The following DDX10 variants were observed in gnomAD, a reference collection of about 807,000 sequenced individuals.
The protein encoded by DDX10 is DEAD-box helicase 10, also known as probable ATP-dependent RNA helicase DDX10.
DDX10 carries 74 observed loss-of-function variants against 104.3 expected under a neutral mutation model. That is an observed-to-expected ratio of 0.71 (90% CI 0.59 to 0.86). DDX10 has a LOEUF of 0.86. Ranked by LOEUF, DDX10 falls within the 40% of genes least tolerant of loss-of-function variation. The pLI is 0.00. For missense variants in DDX10, 952 were observed against 1,040.0 expected, an observed-to-expected ratio of 0.92 and a Z score of 1.16; for synonymous variants, 351 against 353.4, an observed-to-expected ratio of 0.99 and a Z score of 0.08.
chr11:108,739,976 CTTTT>C (rs35940578), intron 13 of DDX10, among the ~76,000 whole-genome samples: 1 of 127,476 alleles, frequency 7.8e-6, no homozygotes, highest in Non-Finnish European at 1.7e-5. Context: ...GGCTACCCAC[CTTTT>C]TTTTTTTTTT....
chr11:108,890,598 TA>T (rs1431138670), intron 16 of DDX10, among the ~76,000 whole-genome samples: 2 of 151,292 alleles, frequency 1.3e-5, no homozygotes, highest in Non-Finnish European at 2.9e-5. Flanking sequence ...CTACCCTGCA[TA>T]GGGGTAGGTT....
chr11:108,770,202 G>A (rs2094361224), intron 13 of DDX10, among the ~76,000 whole-genome samples: 1 of 152,154 alleles, frequency 6.6e-6, no homozygotes. Flanking sequence ...TACATGAGAT[G>A]TTTTGATACA....
intron 9 of DDX10, among the ~76,000 whole-genome samples, chr11:108,700,118 A>G (rs1026414557): frequency 7.2e-5 from 11 of 152,144 alleles, no homozygotes; most frequent in African/African-American, 2.7e-4. Flanking sequence ...TATGTTTTCT[A>G]GGAGATTTGA....
chr11:108,854,599 A>G (rs985209742), intron 16 of DDX10, among the ~76,000 whole-genome samples: 1 of 152,182 alleles, frequency 6.6e-6, no homozygotes, highest in African/African-American at 2.4e-5. Context: ...TAGCTATTTT[A>G]AGCAATCACT....
chr11:108,766,091 C>A (rs1043921311), intron 13 of DDX10, among the ~76,000 whole-genome samples: 1 of 152,088 alleles, frequency 6.6e-6, no homozygotes, highest in Non-Finnish European at 1.5e-5. Context: ...ATCCACAGGC[C>A]TCTACATTTA....
chr11:108,901,823 T>C (rs1863520207), intron 16 of DDX10, among the ~76,000 whole-genome samples: 1 of 152,186 alleles, frequency 6.6e-6, no homozygotes, highest in Admixed American at 6.5e-5. Context: ...GATTTTGATA[T>C]CTAGGGTATT....
Position 108,937,852 on chromosome 11 carries a change from G to A in DDX10, c.2451-2394G>A, listed in dbSNP as rs1864056048. Among the ~76,000 whole-genome samples, 3 of 152,108 alleles carry A rather than the reference G, an allele frequency of 2.0e-5. No individual in the cohort carries two copies. The South Asian group carries it at 6.2e-4, about 32-fold the overall frequency. Reference sequence around the variant, plus strand: ...GCCATGCTTTTGCTTTTTAAGATGTGCTTTATCCATTACGTTGCACTGTCT... The same window carrying A: ...GCCATGCTTTTGCTTTTTAAGATGTACTTTATCCATTACGTTGCACTGTCT... On this transcript the variant is annotated intron_variant, in intron 17 of 17. Transcript: ENST00000322536.
chr11:108,723,521 T>G, intron 13 of DDX10, 59 bp downstream of exon 13: 1 of 1,499,106 alleles, frequency 6.7e-7, no homozygotes. Flanking sequence ...TGCTTATTGT[T>G]GCCTTTTGGG....
At chr11:108,778,308 A>G (rs1038475432) in intron 13 of DDX10, among the ~76,000 whole-genome samples, 17 of 152,242 alleles carry the variant, frequency 1.1e-4, no homozygotes, top group South Asian at 2.1e-4. Context: ...ACAAGGCTAC[A>G]GTAACCAAAA....
intron 13 of DDX10, among the ~76,000 whole-genome samples, chr11:108,785,911 G>C (rs1160987247): frequency 1.3e-5 from 2 of 151,778 alleles, no homozygotes; most frequent in Non-Finnish European, 2.9e-5. Flanking sequence ...GTTTTGTTTT[G>C]TTTTTTAGTT....
intron 13 of DDX10, among the ~76,000 whole-genome samples, chr11:108,785,501 G>A (rs897119076): frequency 6.6e-6 from 1 of 152,080 alleles, no homozygotes; most frequent in Non-Finnish European, 1.5e-5. Context: ...GATTTTCTTG[G>A]AATAGATTCA....
At chr11:108,940,205 A>C in intron 17 of DDX10, 41 bp from the exon 18 acceptor site, 8 of 1,595,258 alleles carry the variant, frequency 5.0e-6, no homozygotes, top group Non-Finnish European at 6.8e-6. Flanking sequence ...GTTTGATTTC[A>C]TACTGAGTCT....
chr11:108,901,082 C>T (rs889185898), intron 16 of DDX10, among the ~76,000 whole-genome samples: 13 of 152,160 alleles, frequency 8.5e-5, no homozygotes, highest in Non-Finnish European at 1.9e-4. Context: ...TTCTGTTGGC[C>T]TAGCCTCCCT....
At chr11:108,751,301 G>A (rs988653009) in intron 13 of DDX10, among the ~76,000 whole-genome samples, 3 of 152,022 alleles carry the variant, frequency 2.0e-5, no homozygotes, top group Non-Finnish European at 2.9e-5. Context: ...TGGGGATAGT[G>A]TAGGTATAGG....
At chr11:108,880,044 T>A (rs1863206831) in intron 16 of DDX10, among the ~76,000 whole-genome samples, 1 of 152,246 alleles carries the variant, frequency 6.6e-6, no homozygotes, top group Admixed American at 6.5e-5. Flanking sequence ...TCTTAGCATT[T>A]GTATTGGTCA....
intron 16 of DDX10, among the ~76,000 whole-genome samples, chr11:108,903,590 G>A (rs543268660): frequency 5.3e-5 from 8 of 152,142 alleles, no homozygotes; most frequent in African/African-American, 1.2e-4. Context: ...ATTATATTAG[G>A]TATTATAAGT....
rs143508708 is a variant in DDX10 at position 108,751,172 on chromosome 11, T to C, written c.1965+27710T>C. Among the ~76,000 whole-genome samples, 455 of 152,048 alleles carry C rather than the reference T, an allele frequency of 3.0e-3. 6 individuals are homozygous for C. The highest frequency in any genetic ancestry group is 0.01 in the African/African-American group (427 of 41,504). Reference sequence around the variant, plus strand: ...TCTCTAGCATTGTATTTTGATCAGATAGATGCTCAGAAGAGTTTAACATAT... The same window carrying C: ...TCTCTAGCATTGTATTTTGATCAGACAGATGCTCAGAAGAGTTTAACATAT... On this transcript the variant is annotated intron_variant, in intron 13 of 17. Coordinates refer to ENST00000322536, the MANE Select transcript of DDX10 (RefSeq NM_004398.4).
chr11:108,741,028 C>A (rs1351395476), intron 13 of DDX10, among the ~76,000 whole-genome samples: 1 of 152,126 alleles, frequency 6.6e-6, no homozygotes, highest in Non-Finnish European at 1.5e-5. Context: ...ATATGGCTAG[C>A]CAGTTATCTC....
rs1171734369 is a variant in DDX10, at chr11:108,923,123, TTTG to T, written c.2450+5120_2450+5122del. 3.3e-5 allele frequency among the ~76,000 whole-genome samples: 5 copies of T among 152,302 alleles called. No individual in the cohort carries two copies. In the South Asian group the frequency reaches 6.2e-4, roughly 19 times the overall value. ...TAGGTAGAATTAATAGATGTTAGGA[TTTG>T]TTGTTGTTGTTGTTATCATTGGAGA... On this transcript the variant is annotated intron_variant, in intron 17 of 17. Coordinates refer to ENST00000322536, the MANE Select transcript of DDX10 (RefSeq NM_004398.4).
Sources: allele counts gnomAD v4.1 joint callset (sites outside exome capture counted in the v4.1 genomes callset), GRCh38; gene constraint gnomAD v4.1.1; transcripts MANE v1.5; gene names NCBI Gene and HGNC (gene_info 2026-07-23, HGNC 2026-07-21).